Variants in ACOD1 observed in about 807,000 individuals in gnomAD.
ACOD1 encodes the protein cis-aconitate decarboxylase.
ACOD1 carries 14 observed loss-of-function variants against 14.2 expected under a neutral mutation model. That is an observed-to-expected ratio of 0.99 (90% confidence interval 0.65 to 1.54). The LOEUF (loss-of-function observed/expected upper bound fraction) is 1.54, where lower values mean the gene tolerates loss of function less well. Ranked by LOEUF, ACOD1 falls within the 40% of genes most tolerant of loss-of-function variation. The probability of loss-of-function intolerance (pLI) is 0.00; values close to 1 mark genes in which losing one functional copy is unlikely to be tolerated. For missense variants in ACOD1, 530 were observed against 586.3 expected, an observed-to-expected ratio of 0.90 and a Z score of 0.99; for synonymous variants, 182 against 221.7, an observed-to-expected ratio of 0.82 and a Z score of 1.59.
chr13:76,952,953 C>A (rs2033837005), intron 2 of ACOD1, among the ~76,000 whole-genome samples: 1 of 152,030 alleles, frequency 6.6e-6, no homozygotes, highest in Non-Finnish European at 1.5e-5. Context: ...GGCAACATGG[C>A]AAAGACCCAT....
chr13:76,948,612 A>G, intron 1 of ACOD1, 42 bp downstream of exon 1: 1 of 1,494,826 alleles, frequency 6.7e-7, no homozygotes, highest in Non-Finnish European at 9.1e-7. Flanking sequence ...TTGCTTTTCT[A>G]GCAGACTTCT....
intron 1 of ACOD1, among the ~76,000 whole-genome samples, chr13:76,950,829 TCA>T (rs2033814566): frequency 1.3e-5 from 2 of 152,334 alleles, no homozygotes; most frequent in Non-Finnish European, 2.9e-5. Flanking sequence ...CCCATTGACA[TCA>T]CAGTCTTTAG....
At chr13:76,955,901 T>C (rs1451654197) in intron 4 of ACOD1, among the ~76,000 whole-genome samples, 7 of 152,222 alleles carry the variant, frequency 4.6e-5, no homozygotes, top group Admixed American at 2.6e-4. Flanking sequence ...ATCCTGCAGA[T>C]AAAAAATGGT....
At chr13:76,952,462 C>T (rs747217313) in intron 1 of ACOD1, 27 bp from the exon 2 acceptor site, 1 of 1,545,454 alleles carries the variant, frequency 6.5e-7, no homozygotes, top group South Asian at 1.2e-5. Flanking sequence ...GGGGTGTATC[C>T]CTGTCCTAAC....
rs1309287633 is a variant in ACOD1, at chr13:76,957,482, A to G, written c.943A>G (p.Asn315Asp). Residue 315 changes from asparagine (N) to aspartate (D), a missense_variant, in exon 5 of 5, where the codon AAT becomes GAT. Asn to Asp is a conservative substitution (Grantham distance 23). Coordinates refer to ENST00000377462, the MANE Select transcript of ACOD1 (RefSeq NM_001258406.2). ...TAAGAGAATTGTGCTCAGGATACCA[A>G]ATGTCCAGTATGTAAACAGGCCCTT... is the stretch of plus-strand genomic sequence containing the variant. ...YIKRIVLRIPNVQYVNRPFPV... is the reference protein window; with the variant it reads ...YIKRIVLRIPDVQYVNRPFPV... 2 of 1,550,622 alleles carry G rather than the reference A, an allele frequency of 1.3e-6. No individual in the cohort carries two copies.
At chr13:76,950,321 A>T (rs2033810139) in intron 1 of ACOD1, among the ~76,000 whole-genome samples, 1 of 152,264 alleles carries the variant, frequency 6.6e-6, no homozygotes, top group Admixed American at 6.5e-5. Context: ...AAGCAATCCA[A>T]TATTCACTAG....
At chr13:76,955,126 C>CAAA (rs34230053) in intron 3 of ACOD1, among the ~76,000 whole-genome samples, 193 bp from the exon 4 acceptor site, 11 of 98,872 alleles carry the variant, frequency 1.1e-4, no homozygotes, top group Admixed American at 2.1e-4. Flanking sequence ...GACTCTGTCT[C>CAAA]AAAAAAAAAA....
chr13:76,957,909 T>C lies in ACOD1; in HGVS notation c.1370T>C (p.Leu457Pro). Residue 457 changes from leucine (L) to proline (P), a missense_variant, in exon 5 of 5, where the codon CTT becomes CCT. Physicochemically the swap from Leu to Pro is moderately conservative, Grantham distance 98. Coordinates refer to ENST00000377462, the MANE Select transcript of ACOD1 (RefSeq NM_001258406.2). ...DLEDCSVLTT[L>P]LKGPSPPEVA... ...GAAGACTGTTCTGTGTTAACTACAC[T>C]TCTCAAAGGACCCTCTCCACCAGAG... 2 of 1,550,292 alleles carry C rather than the reference T, an allele frequency of 1.3e-6. No homozygotes were observed. The highest frequency in any genetic ancestry group is 1.7e-6 in the Non-Finnish European group (2 of 1,146,806).
chr13:76,951,703 T>C (rs1209885554), intron 1 of ACOD1, among the ~76,000 whole-genome samples: 2 of 152,202 alleles, frequency 1.3e-5, no homozygotes, highest in Admixed American at 1.3e-4. Context: ...AGGGAGTAGC[T>C]GCCATATTGT....
rs1365030282 is a variant in ACOD1, at chr13:76,952,552, G to A, written c.76G>A (p.Val26Ile). ...GAAAGTGGGACACCTGACAGATCGT[G>A]TTATTCAGAGGAGCAAGAGGATGAT... ...GLKVGHLTDRVIQRSKRMILD... is the reference protein window; with the variant it reads ...GLKVGHLTDRIIQRSKRMILD... The change falls in exon 2 of 5, where the codon GTT becomes ATT. Residue 26 changes from valine (V) to isoleucine (I), a missense_variant. By Grantham distance (29) the Val-to-Ile change is conservative. Transcript: ENST00000377462. 6.4e-7 allele frequency: 1 copy of A among 1,550,442 alleles called. No homozygotes were observed. The highest frequency in any genetic ancestry group is 8.7e-7 in the Non-Finnish European group (1 of 1,146,942).
At chr13:76,952,466 T>G (rs1360251523) in intron 1 of ACOD1, 23 bp from the exon 2 acceptor site, 1 of 1,548,562 alleles carries the variant, frequency 6.5e-7, no homozygotes, top group African/African-American at 1.4e-5. Flanking sequence ...TGTATCCCTG[T>G]CCTAACACTC....
In ACOD1 at chr13:76,958,106, C is replaced by T; in HGVS notation, c.*121C>T. 1.0e-6 allele frequency: 1 copy of T among 995,178 alleles called. No individual in the cohort carries two copies. The highest frequency in any genetic ancestry group is 1.4e-6 in the Non-Finnish European group (1 of 702,970). 61.6% of individuals were successfully genotyped at this position (995,178 alleles called of 1,614,324 possible). On this transcript the variant is annotated 3_prime_UTR_variant, in exon 5 of 5. Transcript: ENST00000377462. ...AACAAAGATGGAGAGAGTCCAGAAA[C>T]AGAACTACATATATCTGGAAGGAGC... is the stretch of plus-strand genomic sequence containing the variant.
rs640192 is a variant in ACOD1 at position 76,955,509 on chromosome 13, A to G, written c.455A>G (p.Asn152Ser). 8.3e-3 allele frequency: 12,843 copies of G among 1,550,634 alleles called. 895 individuals carry two copies. The African/African-American group carries it at 0.15, about 18-fold the overall frequency. ...TTACTGCATTTCGCCAAGGAGGCCA[A>G]TGACATGCCAAAGAGGTATGGAGAG... The part of the protein sequence containing the change: ...GRLLHFAKEA[N>S]DMPKRFHPPS... The change falls in exon 4 of 5, where the codon AAT becomes AGT. Residue 152 changes from asparagine (N) to serine (S), a missense_variant. Coordinates refer to ENST00000377462, the MANE Select transcript of ACOD1 (RefSeq NM_001258406.2).
chr13:76,951,480 T>C (rs775833400), intron 1 of ACOD1, among the ~76,000 whole-genome samples: 12 of 152,186 alleles, frequency 7.9e-5, no homozygotes, highest in Non-Finnish European at 1.8e-4. Flanking sequence ...AAGTGATCCA[T>C]CTGCCTTGGT....
intron 1 of ACOD1, among the ~76,000 whole-genome samples, chr13:76,950,410 T>C (rs1476809331): frequency 6.6e-6 from 1 of 152,254 alleles, no homozygotes; most frequent in East Asian, 1.9e-4. Context: ...TGTGAAAATG[T>C]GTAGAAAACA....
Position 76,957,031 on chromosome 13 carries a change from A to G in ACOD1, c.492A>G (p.Val164=). ...TCAGATTCCATCCCCCTTCCGTGGT[A>G]GGAACGTTGGGTAGTGCTGCTGCTG... ...MPKRFHPPSV[V]GTLGSAAAAS... The change falls in exon 5 of 5, where the codon GTA becomes GTG. Residue 164 remains valine, a synonymous_variant. Coordinates refer to ENST00000377462, the MANE Select transcript of ACOD1 (RefSeq NM_001258406.2). 3.9e-6 allele frequency: 6 copies of G among 1,548,764 alleles called. No individual in the cohort carries two copies. The highest frequency in any genetic ancestry group is 5.2e-6 in the Non-Finnish European group (6 of 1,145,930).
chr13:76,957,653 G>A lies in ACOD1; in HGVS notation c.1114G>A (p.Glu372Lys), dbSNP rs928724406. ...VRELLSKVEL[E>K]YPPDNLPSFN... ...AGAGCTGCTCAGTAAGGTGGAGCTG[G>A]AGTACCCTCCGGACAACTTGCCAAG... The change falls in exon 5 of 5, where the codon GAG (glutamate) becomes AAG (lysine). Residue 372 changes from glutamate (E) to lysine (K), a missense_variant. By Grantham distance (56) the Glu-to-Lys change is moderately conservative. Transcript: ENST00000377462. 3.9e-6 allele frequency: 6 copies of A among 1,550,482 alleles called. No individual in the cohort carries two copies. The African/African-American group carries it at 8.2e-5, about 21-fold the overall frequency.
At chr13:76,954,014 T>A (rs1295696112) in intron 3 of ACOD1, among the ~76,000 whole-genome samples, 3 of 152,168 alleles carry the variant, frequency 2.0e-5, no homozygotes, top group Non-Finnish European at 4.4e-5. Context: ...TATCTTCTGT[T>A]TTTCCTGTTG....
intron 3 of ACOD1, among the ~76,000 whole-genome samples, chr13:76,954,298 C>T (rs901607938): frequency 6.6e-6 from 1 of 152,050 alleles, no homozygotes; most frequent in Non-Finnish European, 1.5e-5. Flanking sequence ...AAGTTAAAGC[C>T]AACGGTGCAT....
Sources: allele counts gnomAD v4.1 joint callset (sites outside exome capture counted in the v4.1 genomes callset), GRCh38; gene constraint gnomAD v4.1.1; transcripts MANE v1.5; gene names NCBI Gene and HGNC (gene_info 2026-07-23, HGNC 2026-07-21).